DPF3: variants seen among roughly 807,000 people sequenced by gnomAD.
DPF3 encodes zinc finger protein DPF3.
Under a neutral mutation model 56.8 loss-of-function variants are expected in DPF3, and 18 were observed. The ratio of observed to expected loss-of-function variants is 0.32; its 90% confidence interval spans 0.22 to 0.47. DPF3 has a LOEUF of 0.47. DPF3 is among the 20% of genes least tolerant of loss of function. DPF3 has a pLI of 1.00. For missense variants in DPF3, 403 were observed against 488.8 expected (o/e 0.82, Z 1.65); for synonymous variants, 188 against 180.2 (o/e 1.04, Z -0.35).
At chr14:72,781,441 T>C (rs537559937) in intron 1 of DPF3, among the ~76,000 whole-genome samples, 1 of 152,342 alleles carries the variant, frequency 6.6e-6, no homozygotes, top group South Asian at 2.1e-4. Context: ...ACATCCATCA[T>C]GACTTCGATG....
chr14:72,795,314 A>ATG (rs1892605927), intron 1 of DPF3, among the ~76,000 whole-genome samples: 1 of 146,516 alleles, frequency 6.8e-6, no homozygotes, highest in Admixed American at 6.8e-5. Flanking sequence ...ATATATATAT[A>ATG]TATAAGGCAG....
In DPF3 at chr14:72,710,123, C is replaced by T. The variant is rs149731700; in HGVS notation, c.604+4300G>A. ...TCTCATCAGGAGTCTGCTCCAATGA[C>T]GCTAACAGAAAAATTCGGGCTTGGG... On this transcript the variant is annotated intron_variant, in intron 6 of 10. Transcript: ENST00000556509. Among the ~76,000 whole-genome samples, 286 of 152,282 alleles carry T rather than the reference C, an allele frequency of 1.9e-3. 3 individuals are homozygous for T. The highest frequency in any genetic ancestry group is 6.7e-3 in the African/African-American group (279 of 41,554).
intron 1 of DPF3, among the ~76,000 whole-genome samples, chr14:72,838,906 TTC>T (rs1884427477): frequency 4.6e-5 from 4 of 87,800 alleles, no homozygotes; most frequent in Non-Finnish European, 8.7e-5. Flanking sequence ...ATCATATATA[TTC>T]TTTTTTTTTT....
At chr14:72,810,477 G>A (rs1467283002) in intron 1 of DPF3, among the ~76,000 whole-genome samples, 1 of 152,180 alleles carries the variant, frequency 6.6e-6, no homozygotes, top group African/African-American at 2.4e-5. Flanking sequence ...GTGGGCGTGT[G>A]TGGGGTTAGT....
rs779292668 is a variant in DPF3 at position 72,612,526 on chromosome 14, T to C, written c.*6771A>G. On this transcript the variant is annotated 3_prime_UTR_variant, in exon 11 of 11. Coordinates refer to ENST00000556509, the MANE Select transcript of DPF3 (RefSeq NM_001280542.3). ...CTTTTTCCTATACGCCACTGTTGCT[T>C]CCCACTTCCCACCTCCACCCCACTC... The C allele has an allele frequency of 1.2e-5, 6 of 518,840 alleles. No homozygotes were observed. The highest frequency in any genetic ancestry group is 2.3e-5 in the Non-Finnish European group (6 of 259,826). 32.1% of individuals were successfully genotyped at this position (518,840 alleles called of 1,614,324 possible).
chr14:72,843,766 T>C (rs1884643830), intron 1 of DPF3, among the ~76,000 whole-genome samples: 1 of 152,172 alleles, frequency 6.6e-6, no homozygotes, highest in South Asian at 2.1e-4. Flanking sequence ...GGTCTCAAAC[T>C]CCCAACCTCA....
chr14:72,659,033 C>A (rs935820110), intron 8 of DPF3, among the ~76,000 whole-genome samples: 2 of 152,102 alleles, frequency 1.3e-5, no homozygotes, highest in Non-Finnish European at 2.9e-5. Context: ...GAACCCTGGG[C>A]CCACCTCCTG....
At chr14:72,671,475 GC>G in intron 8 of DPF3, 5 of 1,240,772 alleles carry the variant, frequency 4.0e-6, no homozygotes, top group Non-Finnish European at 5.9e-6. Flanking sequence ...TTAACCCGGT[GC>G]ATCACCTGGT....
rs116444958 is a variant in DPF3 at position 72,753,816 on chromosome 14, G to A, written c.194-445C>T. 3.2e-3 allele frequency among the ~76,000 whole-genome samples: 491 copies of A among 152,118 alleles called. 7 individuals are homozygous for A. The highest frequency in any genetic ancestry group is 3.5e-3 in the Non-Finnish European group (236 of 67,968). Reference sequence around the variant, plus strand: ...TGGACAGCCTGGGTTGAGAAGCATCGCAAAGAGACAGAACCAAAAACACTA... The same window carrying A: ...TGGACAGCCTGGGTTGAGAAGCATCACAAAGAGACAGAACCAAAAACACTA... On this transcript the variant is annotated intron_variant, in intron 2 of 10. Coordinates refer to ENST00000556509, the MANE Select transcript of DPF3 (RefSeq NM_001280542.3).
At chr14:72,656,620 A>C (rs1886069793) in intron 8 of DPF3, among the ~76,000 whole-genome samples, 1 of 152,256 alleles carries the variant, frequency 6.6e-6, no homozygotes, top group South Asian at 2.1e-4. Flanking sequence ...TTTAGTTTGA[A>C]GACTCTTTCT....
At chr14:72,889,446 C>A (rs978071492) in intron 1 of DPF3, among the ~76,000 whole-genome samples, 2 of 152,146 alleles carry the variant, frequency 1.3e-5, no homozygotes, top group African/African-American at 4.8e-5. Flanking sequence ...GTCCGAGGGT[C>A]CTTTTTCATA....
At chr14:72,834,952 C>T (rs1468194279) in intron 1 of DPF3, among the ~76,000 whole-genome samples, 3 of 151,026 alleles carry the variant, frequency 2.0e-5, no homozygotes, top group African/African-American at 7.3e-5. Context: ...GATACAAAGG[C>T]CACATGTGTT....
In DPF3 at chr14:72,653,641, T is replaced by C. The variant is rs150821971; in HGVS notation, c.871+20599A>G. Among the ~76,000 whole-genome samples, 55 of 152,338 alleles carry C rather than the reference T, an allele frequency of 3.6e-4. 1 individual carries two copies. Among genetic ancestry groups the C allele is most frequent in the African/African-American group, 1.2e-3 (49 of 41,584 alleles). ...GAGGGTGCTTTTTCAAATAAACCCT[T>C]TTCCAACTTGTCTAGGAGAACAATC... is the stretch of plus-strand genomic sequence containing the variant. On this transcript the variant is annotated intron_variant, in intron 8 of 10. Transcript: ENST00000556509.
chr14:72,831,680 C>T (rs1884066481), intron 1 of DPF3, among the ~76,000 whole-genome samples: 1 of 152,208 alleles, frequency 6.6e-6, no homozygotes. Flanking sequence ...TCAGTTTTGG[C>T]ACTGGGTTTT....
At chr14:72,645,561 C>T (rs8008774) in intron 8 of DPF3, among the ~76,000 whole-genome samples, 22,353 of 152,088 alleles carry the variant, frequency 0.15, 1,901 homozygotes, top group Middle Eastern at 0.22. Context: ...TTAATGATGG[C>T]TAATATTTTT....
intron 1 of DPF3, among the ~76,000 whole-genome samples, chr14:72,859,589 G>T (rs754341901): frequency 6.6e-6 from 1 of 151,266 alleles, no homozygotes; most frequent in African/African-American, 2.4e-5. Flanking sequence ...GGGACAGAGC[G>T]GGTGGGCCTG....
In DPF3 at chr14:72,670,106, A is replaced by C. The variant is rs969106970; in HGVS notation, c.871+4134T>G. The C allele has an allele frequency of 8.1e-6, 8 of 985,378 alleles. No individual in the cohort carries two copies. The African/African-American group carries it at 1.0e-4, about 13-fold the overall frequency. 61.0% of individuals were successfully genotyped at this position (985,378 alleles called of 1,614,324 possible). ...AACAAAGTGCCTGGCAGGCACTATA[A>C]AAAAAAATAGAAGAAATACGGTAGC... On this transcript the variant is annotated intron_variant, in intron 8 of 10. Transcript: ENST00000556509.
intron 7 of DPF3, among the ~76,000 whole-genome samples, chr14:72,692,014 G>A (rs1405956197): frequency 6.6e-6 from 1 of 152,196 alleles, no homozygotes; most frequent in Non-Finnish European, 1.5e-5. Flanking sequence ...GAGGTTAAGG[G>A]AGACCCCACA....
At chr14:72,645,295 A>ATTT (rs202051547) in intron 8 of DPF3, among the ~76,000 whole-genome samples, 8 of 142,746 alleles carry the variant, frequency 5.6e-5, no homozygotes, top group African/African-American at 2.0e-4. Flanking sequence ...CTAAGAAGGG[A>ATTT]TTTTTTTTTT....
Sources: allele counts gnomAD v4.1 joint callset (sites outside exome capture counted in the v4.1 genomes callset), GRCh38; gene constraint gnomAD v4.1.1; transcripts MANE v1.5; gene names NCBI Gene and HGNC (gene_info 2026-07-23, HGNC 2026-07-21).